The following ASIC2 variants were observed in gnomAD, a reference collection of about 807,000 sequenced individuals.
The protein encoded by ASIC2 is acid-sensing ion channel 2.
ASIC2 carries 25 observed loss-of-function variants against 57.3 expected under a neutral mutation model. That is an observed-to-expected ratio of 0.44 (90% CI 0.32 to 0.61). The LOEUF (loss-of-function observed/expected upper bound fraction) is 0.61. Ranked by LOEUF, ASIC2 falls within the 20% of genes least tolerant of loss-of-function variation. The pLI is 0.06. For synonymous variants in ASIC2, 319 were observed against 307.5 expected (o/e 1.04, Z -0.39); for missense variants, 641 against 738.1 (o/e 0.87, Z 1.52).
chr17:33,401,509 G>C (rs992235327), intron 1 of ASIC2, among the ~76,000 whole-genome samples: 29 of 152,058 alleles, frequency 1.9e-4, no homozygotes, highest in African/African-American at 6.3e-4. Context: ...TGCCTCCATC[G>C]CTTGGCTGCA....
chr17:33,015,978 T>A lies in ASIC2; in HGVS notation c.1583A>T (p.Glu528Val). The A allele has an allele frequency of 6.2e-7, 1 of 1,614,102 alleles. No homozygotes were observed. Among genetic ancestry groups the A allele is most frequent in the Non-Finnish European group, 8.5e-7 (1 of 1,179,972 alleles). Residue 528 changes from glutamate (E) to valine (V), a missense_variant, in exon 9 of 10, where the codon GAG becomes GTG. Glu to Val is a moderately radical substitution (Grantham distance 121). This residue lies in a region of ASIC2 where 252 missense variants were observed against 319.8 expected (regional missense o/e 0.79). Coordinates refer to ENST00000225823, the MANE Select transcript of ASIC2 (RefSeq NM_183377.2). ...TCAGTGAGCTGCTCTTACCACATTCTCATCGTGGCTCCCTTCGTCCTCCTC... is the reference window on the plus strand; with the variant it reads ...TCAGTGAGCTGCTCTTACCACATTCACATCGTGGCTCCCTTCGTCCTCCTC... ...GKEEDEGSHD[E>V]NVSTCDTMPN...
At chr17:33,131,717 C>T (rs972643909) in intron 1 of ASIC2, 2 of 152,292 alleles carry the variant, frequency 1.3e-5, no homozygotes, top group Non-Finnish European at 2.9e-5. Context: ...GGCCTGTCCT[C>T]TCCAAGAGGA....
intron 1 of ASIC2, among the ~76,000 whole-genome samples, chr17:33,269,797 T>A (rs1567805383): frequency 6.6e-6 from 1 of 151,812 alleles, no homozygotes; most frequent in Admixed American, 6.6e-5. Flanking sequence ...AGTTTGTGCA[T>A]TTAAAAACAC....
intron 7 of ASIC2, 69 bp from the exon 8 acceptor site, chr17:33,017,753 A>G: frequency 2.1e-6 from 3 of 1,453,836 alleles, no homozygotes; most frequent in Non-Finnish European, 2.9e-6. Flanking sequence ...ACAGACTGAG[A>G]TGCAACCCAG....
chr17:33,715,578 G>A (rs540448416), intron 1 of ASIC2, among the ~76,000 whole-genome samples: 1 of 152,172 alleles, frequency 6.6e-6, no homozygotes, highest in Non-Finnish European at 1.5e-5. Context: ...CATTGTAATG[G>A]CAGAACATCC....
chr17:33,468,475 C>T (rs72821195), intron 1 of ASIC2, among the ~76,000 whole-genome samples: 1,531 of 152,092 alleles, frequency 0.01, 3 homozygotes, highest in Non-Finnish European at 0.015. Flanking sequence ...ACATTTTAAC[C>T]GTATTATATA....
At chr17:33,548,871 G>A (rs187914598) in intron 1 of ASIC2, among the ~76,000 whole-genome samples, 2 of 151,874 alleles carry the variant, frequency 1.3e-5, no homozygotes, top group South Asian at 2.1e-4. Context: ...ACTTCTTCCC[G>A]TCATTCACAA....
chr17:33,073,130 G>C (rs1376778991), intron 3 of ASIC2, among the ~76,000 whole-genome samples: 1 of 152,200 alleles, frequency 6.6e-6, no homozygotes, highest in Admixed American at 6.5e-5. Flanking sequence ...ATAGCCGGGA[G>C]CAAAATCAGG....
chr17:33,913,625 C>G (rs1915516857), intron 1 of ASIC2, among the ~76,000 whole-genome samples: 1 of 152,152 alleles, frequency 6.6e-6, no homozygotes, highest in Admixed American at 6.5e-5. Flanking sequence ...CTCCTTCTTC[C>G]TTAATTATTC....
At chr17:33,998,431 C>T (rs915809688) in intron 1 of ASIC2, among the ~76,000 whole-genome samples, 58 of 151,734 alleles carry the variant, frequency 3.8e-4, no homozygotes, top group Non-Finnish European at 3.5e-4. Context: ...TTTGTTCTTC[C>T]TTTCTAGTTC....
chr17:33,740,838 G>A lies in ASIC2; in HGVS notation c.555+415140C>T, dbSNP rs546283597. 1.8e-4 allele frequency among the ~76,000 whole-genome samples: 28 copies of A among 152,272 alleles called. No homozygotes were observed. The South Asian group carries it at 4.6e-3, about 25-fold the overall frequency. Reference sequence around the variant, plus strand: ...TATGGTTCTGGGACCAGATGGGCTTGGCTATATAGGAAAATGAATCTAGGA... The same window carrying A: ...TATGGTTCTGGGACCAGATGGGCTTAGCTATATAGGAAAATGAATCTAGGA... On this transcript the variant is annotated intron_variant, in intron 1 of 9. Transcript: ENST00000359872.
chr17:33,893,445 G>A (rs989016370), intron 1 of ASIC2, among the ~76,000 whole-genome samples: 6 of 152,188 alleles, frequency 3.9e-5, no homozygotes, highest in South Asian at 2.1e-4. Flanking sequence ...AAGACTTAAC[G>A]TAGGTCAGGT....
intron 1 of ASIC2, among the ~76,000 whole-genome samples, chr17:34,154,687 C>A (rs951878878): frequency 1.4e-4 from 21 of 152,202 alleles, no homozygotes; most frequent in African/African-American, 4.8e-4. Flanking sequence ...GCAATGTCTT[C>A]ATTAGGCAGA....
intron 1 of ASIC2, among the ~76,000 whole-genome samples, chr17:33,406,943 G>C (rs1486382161): frequency 2.0e-5 from 3 of 152,198 alleles, no homozygotes; most frequent in Non-Finnish European, 4.4e-5. Flanking sequence ...GAAGGAAGTA[G>C]AGAAAGTGAA....
At chr17:34,040,284 G>A (rs1484351115) in intron 1 of ASIC2, among the ~76,000 whole-genome samples, 1 of 150,060 alleles carries the variant, frequency 6.7e-6, no homozygotes, top group Non-Finnish European at 1.5e-5. Context: ...CTGGTGCCCA[G>A]GACCTGCCTC....
intron 1 of ASIC2, among the ~76,000 whole-genome samples, chr17:34,056,691 A>G (rs573643592): frequency 1.9e-4 from 29 of 152,358 alleles, no homozygotes; most frequent in East Asian, 5.8e-4. Context: ...ATTGACCCAT[A>G]TAGGTCAATC....
At chr17:33,520,114 C>T (rs758649772) in intron 1 of ASIC2, among the ~76,000 whole-genome samples, 6 of 152,186 alleles carry the variant, frequency 3.9e-5, no homozygotes, top group Non-Finnish European at 8.8e-5. Flanking sequence ...AGAATTCTGG[C>T]TTATTGTGGC....
intron 1 of ASIC2, among the ~76,000 whole-genome samples, chr17:33,987,211 G>A (rs1905848548): frequency 1.3e-5 from 2 of 152,178 alleles, no homozygotes; most frequent in Admixed American, 6.5e-5. Context: ...GCAAGGTGCA[G>A]TTTTGAACCA....
chr17:33,771,210 A>C (rs940839280), intron 1 of ASIC2, among the ~76,000 whole-genome samples: 1 of 152,188 alleles, frequency 6.6e-6, no homozygotes, highest in East Asian at 1.9e-4. Context: ...GTCTGTGCTG[A>C]GAATAAGAAA....
Sources: gnomAD v4.1 joint callset for allele counts (sites outside exome capture counted in the v4.1 genomes callset) on GRCh38, gnomAD v4.1.1 for gene constraint, gnomAD v4.1.1 regional missense constraint, MANE v1.5 for transcripts, NCBI Gene and HGNC (gene_info 2026-07-23, HGNC 2026-07-21) for gene names.